The following SP140 variants were observed in gnomAD, a reference collection of about 807,000 sequenced individuals.
SP140 encodes the protein nuclear body protein SP140.
SP140 carries 81 observed loss-of-function variants against 125.0 expected under a neutral mutation model. That is an observed-to-expected ratio of 0.65 (90% confidence interval 0.54 to 0.78). The LOEUF is 0.78. Among genes scored for constraint, SP140 ranks in the 30% least tolerant of loss-of-function variants. The pLI, the probability that SP140 is intolerant of heterozygous loss-of-function variation, is 0.00. For missense variants in SP140, 858 were observed against 1,037.0 expected (o/e 0.83, Z 2.37); for synonymous variants, 312 against 354.0 (o/e 0.88, Z 1.33).
intron 6 of SP140, among the ~76,000 whole-genome samples, chr2:230,245,289 G>A (rs1025603038): frequency 6.6e-6 from 1 of 152,132 alleles, no homozygotes; most frequent in Non-Finnish European, 1.5e-5. Flanking sequence ...TAAGGGTACA[G>A]AGTAATAAAA....
intron 21 of SP140, among the ~76,000 whole-genome samples, chr2:230,295,048 C>T (rs187173270): frequency 6.6e-6 from 1 of 152,320 alleles, no homozygotes; most frequent in Admixed American, 6.5e-5. Context: ...TGCAGACCTG[C>T]TTTTTATCTG....
At position 230,237,111 on chromosome 2, in the gene SP140, G is replaced by T. The variant is rs748999045; in HGVS notation, c.88G>T (p.Gly30Cys). 4 of 1,602,090 alleles carry T rather than the reference G, an allele frequency of 2.5e-6. No individual in the cohort carries two copies. Among genetic ancestry groups the T allele is most frequent in the East Asian group, 2.2e-5 (1 of 44,452 alleles). ...GGTCGCAGAGATCCAGAACGTAGAGGGTCAGAACCTGCAGGAGCAGGTTTG... is the reference window on the plus strand; with the variant it reads ...GGTCGCAGAGATCCAGAACGTAGAGTGTCAGAACCTGCAGGAGCAGGTTTG... The part of the protein sequence containing the change: ...RMVAEIQNVE[G>C]QNLQEQVCPE... The change falls in exon 2 of 27, where the codon GGT becomes TGT. Residue 30 changes from glycine (G) to cysteine (C), a missense_variant. By Grantham distance (159) the Gly-to-Cys change is radical. This residue lies in a region of SP140 where 791 missense variants were observed against 869.5 expected (regional missense o/e 0.91). Coordinates refer to ENST00000392045, the MANE Select transcript of SP140 (RefSeq NM_007237.5). The surrounding 1 kb of genome is among the most constrained non-coding windows in gnomAD (Gnocchi z 5.4).
At chr2:230,291,434 G>T (rs1165546384) in intron 19 of SP140, among the ~76,000 whole-genome samples, 1 of 152,180 alleles carries the variant, frequency 6.6e-6, no homozygotes, top group Non-Finnish European at 1.5e-5. Flanking sequence ...AGCAGTCAGT[G>T]CCTATTCCCA....
chr2:230,262,601 C>T (rs962528745), intron 12 of SP140, among the ~76,000 whole-genome samples: 1 of 152,104 alleles, frequency 6.6e-6, no homozygotes, highest in African/African-American at 2.4e-5. Context: ...ATGAACTTTC[C>T]TCTTAGCACC....
At chr2:230,197,503 C>T in the SP140 span, among the ~76,000 whole-genome samples, 2 of 147,672 alleles carry the variant, frequency 1.4e-5, no homozygotes, top group African/African-American at 5.0e-5. Context: ...TGCCTGTTCA[C>T]TCTGATGGTA....
upstream of SP140, among the ~76,000 whole-genome samples, chr2:230,224,638 A>T (rs545506489): frequency 6.6e-6 from 1 of 152,304 alleles, no homozygotes; most frequent in African/African-American, 2.4e-5. Context: ...AGAAGTGTGG[A>T]AGGGGTAGAA....
At chr2:230,246,229 A>G (rs1473193475) in intron 7 of SP140, among the ~76,000 whole-genome samples, 1 of 152,202 alleles carries the variant, frequency 6.6e-6, no homozygotes, top group Non-Finnish European at 1.5e-5. Context: ...CAAAAGAAGG[A>G]TGAGCTCAGA....
intron 3 of SP140, chr2:230,216,866 A>C: frequency 6.2e-7 from 1 of 1,614,096 alleles, no homozygotes; most frequent in Non-Finnish European, 8.5e-7. Flanking sequence ...GGCGATCCCC[A>C]GCTTCTGGTG....
intron 12 of SP140, among the ~76,000 whole-genome samples, chr2:230,258,078 G>A (rs2051555289): frequency 6.6e-6 from 1 of 152,050 alleles, no homozygotes; most frequent in Non-Finnish European, 1.5e-5. Context: ...TGATTAATTG[G>A]GATGATTCTG....
At position 230,211,689 on chromosome 2, in the gene SP140, A is replaced by G; in HGVS notation, c.-322-1965A>G. 1.5e-6 allele frequency: 1 copy of G among 682,614 alleles called. No individual in the cohort carries two copies. The highest frequency in any genetic ancestry group is 1.6e-5 in the South Asian group (1 of 64,124). 42.3% of individuals were successfully genotyped at this position (682,614 alleles called of 1,614,324 possible). ...ACCAAGGCCTGGGAAAGGATGGCAT[A>G]GAGTGGGAAAGTAAGCAACCATTCA... On this transcript the variant is annotated intron_variant, in intron 1 of 4. Transcript: ENST00000456542. This position sits in a 1 kb window ranked among gnomAD's most constrained non-coding sequence, Gnocchi z 4.2.
At chr2:230,225,583 T>A, upstream of SP140, 1 of 548,988 alleles carries the variant, frequency 1.8e-6, no homozygotes, top group South Asian at 2.0e-5. Context: ...TCCACCCTCT[T>A]TCCTTGGCAG....
chr2:230,258,591 A>G (rs1036670024), intron 12 of SP140, among the ~76,000 whole-genome samples: 5 of 152,214 alleles, frequency 3.3e-5, no homozygotes, highest in African/African-American at 1.2e-4. Flanking sequence ...TTCTAATTAT[A>G]GCATTCTGGT....
chr2:230,206,179 A>G (rs1315267053), intron 1 of SP140, among the ~76,000 whole-genome samples: 2 of 152,056 alleles, frequency 1.3e-5, no homozygotes, highest in Non-Finnish European at 2.9e-5. Context: ...GCTGCCATCT[A>G]TTGCTCTGTT....
chr2:230,201,498 A>G (rs2043183286), upstream of SP140, among the ~76,000 whole-genome samples: 2 of 152,224 alleles, frequency 1.3e-5, no homozygotes, highest in African/African-American at 4.8e-5. Flanking sequence ...AATAAAAATA[A>G]AAGCAAGATT....
chr2:230,236,692 A>G (rs1488212669), intron 1 of SP140, among the ~76,000 whole-genome samples: 2 of 152,236 alleles, frequency 1.3e-5, no homozygotes, highest in African/African-American at 2.4e-5. Context: ...ACCAATGTAA[A>G]TGTTAATCTT....
At chr2:230,209,436 A>G (rs192331943) in intron 1 of SP140, among the ~76,000 whole-genome samples, 13 of 152,270 alleles carry the variant, frequency 8.5e-5, no homozygotes, top group Non-Finnish European at 1.8e-4. Context: ...GATATTGATG[A>G]TGAGTGAGTG....
chr2:230,224,254 T>C (rs2046058016), upstream of SP140, among the ~76,000 whole-genome samples: 1 of 152,076 alleles, frequency 6.6e-6, no homozygotes, highest in South Asian at 2.1e-4. Context: ...AAATGTCCAG[T>C]TCATTGGTGT....
intron 10 of SP140, among the ~76,000 whole-genome samples, chr2:230,251,493 T>C (rs181563923): frequency 1.8e-4 from 27 of 152,296 alleles, no homozygotes; most frequent in African/African-American, 6.3e-4. Context: ...CAGAATATGC[T>C]AGGAGGAAAA....
At chr2:230,315,668 C>G (rs1157724679), downstream of SP140, among the ~76,000 whole-genome samples, 1 of 152,164 alleles carries the variant, frequency 6.6e-6, no homozygotes, top group Non-Finnish European at 1.5e-5. Flanking sequence ...GCCTCTGAAA[C>G]TGAGGTTTCA....
Sources: gnomAD v4.1 joint callset for allele counts (sites outside exome capture counted in the v4.1 genomes callset) on GRCh38, gnomAD v4.1.1 for gene constraint, gnomAD v4.1.1 regional missense constraint, Gnocchi (gnomAD v3.1) non-coding constraint, MANE v1.5 for transcripts, NCBI Gene and HGNC (gene_info 2026-07-23, HGNC 2026-07-21) for gene names.